ERICH6B: variants seen among roughly 807,000 people sequenced by gnomAD.
ERICH6B encodes the protein glutamate rich 6B.
A neutral mutation model predicts 80.0 loss-of-function variants in ERICH6B; 69 were observed. That is an observed-to-expected ratio of 0.86 (90% CI 0.71 to 1.05). The LOEUF (loss-of-function observed/expected upper bound fraction) is 1.05. ERICH6B is among the 50% of genes least tolerant of loss of function. The pLI is 0.00. For synonymous variants in ERICH6B, 283 were observed against 291.9 expected (o/e 0.97, Z 0.31); for missense variants, 754 against 796.1 (o/e 0.95, Z 0.64).
chr13:45,551,506 C>T (rs1321128006), intron 11 of ERICH6B: 1 of 152,152 alleles, frequency 6.6e-6, no homozygotes, highest in Non-Finnish European at 1.5e-5. Flanking sequence ...CCCAGTATTC[C>T]CAGGCAGTCT....
At chr13:45,615,060 G>A (rs1566310657) in intron 1 of ERICH6B, among the ~76,000 whole-genome samples, 1 of 152,202 alleles carries the variant, frequency 6.6e-6, no homozygotes. Flanking sequence ...ATATATTCAG[G>A]TTTGAACTTT....
intron 1 of ERICH6B, among the ~76,000 whole-genome samples, chr13:45,612,229 T>A (rs559567308): frequency 2.0e-5 from 3 of 152,320 alleles, no homozygotes; most frequent in Non-Finnish European, 4.4e-5. Flanking sequence ...CTTTTTCTCT[T>A]TCTTCTTTCC....
intron 2 of ERICH6B, among the ~76,000 whole-genome samples, chr13:45,597,699 C>T (rs1055542402): frequency 6.6e-6 from 1 of 152,206 alleles, no homozygotes; most frequent in African/African-American, 2.4e-5. Flanking sequence ...GGCTTCCAGG[C>T]TCCCTCTTCT....
intron 2 of ERICH6B, among the ~76,000 whole-genome samples, chr13:45,598,157 C>T (rs1876480050): frequency 6.6e-6 from 1 of 152,158 alleles, no homozygotes; most frequent in Non-Finnish European, 1.5e-5. Context: ...TCTCCTACAG[C>T]ACTTATCATT....
At chr13:45,563,873 C>A in intron 9 of ERICH6B, 85 bp from the exon 10 acceptor site, 6 of 1,134,604 alleles carry the variant, frequency 5.3e-6, no homozygotes, top group Non-Finnish European at 6.4e-6. Context: ...AGTACTGGAG[C>A]CTGCAGAGTC....
At position 45,596,754 on chromosome 13, in the gene ERICH6B, C is replaced by T; in HGVS notation, c.252G>A (p.Glu84=). The change falls in exon 3 of 15, where the codon GAG becomes GAA. Residue 84 remains glutamate (E), a synonymous_variant. Coordinates refer to ENST00000298738, the MANE Select transcript of ERICH6B (RefSeq NM_182542.3). The part of the protein sequence containing the change: ...LGKEEYLKEE[E]YLGKEEHLEE... Reference sequence around the variant, plus strand: ...CCAGATGCTCTTCCTTCCCCAGATACTCTTCCTCCTTCAAGTATTCTTCTT... The same window carrying T: ...CCAGATGCTCTTCCTTCCCCAGATATTCTTCCTCCTTCAAGTATTCTTCTT... 6.4e-7 allele frequency: 1 copy of T among 1,551,716 alleles called. No homozygotes were observed. The highest frequency in any genetic ancestry group is 8.7e-7 in the Non-Finnish European group (1 of 1,146,994).
At position 45,544,640 on chromosome 13, in the gene ERICH6B, C is replaced by T. The variant is rs547200532; in HGVS notation, c.1872+120G>A. 262 of 770,466 alleles carry T rather than the reference C, an allele frequency of 3.4e-4. 2 individuals are homozygous for T. In the East Asian group the frequency reaches 6.0e-3, roughly 18 times the overall value. The allele number at this position is 770,466 out of a possible 1,614,324, so 47.7% of individuals were successfully genotyped here. A position where few individuals can be genotyped will look rare whatever the true frequency, so the allele number is the denominator to read the frequency against. On this transcript the variant is annotated intron_variant, in intron 14 of 14. Coordinates refer to ENST00000298738, the MANE Select transcript of ERICH6B (RefSeq NM_182542.3). ...AAACCAAAGTGGCCTTGTTTTTATA[C>T]GGGTTGGCATATATAGAACAAGCCT...
intron 5 of ERICH6B, among the ~76,000 whole-genome samples, chr13:45,581,306 G>A (rs60079579): frequency 0.12 from 18,013 of 152,112 alleles, 1,731 homozygotes; most frequent in African/African-American, 0.26. Context: ...TCCTACTCCT[G>A]AATGCTAAAT....
intron 13 of ERICH6B, among the ~76,000 whole-genome samples, chr13:45,547,253 G>A (rs1874030524): frequency 1.3e-5 from 2 of 152,240 alleles, no homozygotes; most frequent in Non-Finnish European, 2.9e-5. Flanking sequence ...TCATTGATGG[G>A]AGGAGAGCAA....
chr13:45,583,244 A>C (rs1268079084), intron 5 of ERICH6B, among the ~76,000 whole-genome samples: 1 of 152,156 alleles, frequency 6.6e-6, no homozygotes, highest in Non-Finnish European at 1.5e-5. Flanking sequence ...TCAGCACTAC[A>C]CTAAACAGTA....
At chr13:45,571,101 T>G (rs1407548514) in intron 8 of ERICH6B, among the ~76,000 whole-genome samples, 1 of 152,204 alleles carries the variant, frequency 6.6e-6, no homozygotes, top group African/African-American at 2.4e-5. Context: ...ATCCTGGGAA[T>G]GCAGTGTCTG....
At chr13:45,582,843 C>T (rs951296484) in intron 5 of ERICH6B, among the ~76,000 whole-genome samples, 3 of 152,154 alleles carry the variant, frequency 2.0e-5, no homozygotes, top group African/African-American at 7.2e-5. Flanking sequence ...TCCACAGTTC[C>T]CTAATCTGAT....
intron 7 of ERICH6B, among the ~76,000 whole-genome samples, chr13:45,577,274 A>ACCT (rs1566295865): frequency 9.0e-6 from 1 of 110,792 alleles, no homozygotes; most frequent in African/African-American, 4.0e-5. Flanking sequence ...TTAAAAACAA[A>ACCT]TCTTTTTTTT....
chr13:45,555,521 C>T (rs1874402516), intron 11 of ERICH6B: 1 of 152,196 alleles, frequency 6.6e-6, no homozygotes. Flanking sequence ...TGCTTTTCCT[C>T]TTAGTGCAAG....
chr13:45,583,931 A>T (rs1875785378), intron 5 of ERICH6B, among the ~76,000 whole-genome samples: 2 of 151,872 alleles, frequency 1.3e-5, no homozygotes, highest in Admixed American at 6.6e-5. Flanking sequence ...CTCTCCTTAC[A>T]CCTCTGCGTA....
At chr13:45,556,224 G>A (rs1415853441) in intron 11 of ERICH6B, among the ~76,000 whole-genome samples, 1 of 152,000 alleles carries the variant, frequency 6.6e-6, no homozygotes, top group Non-Finnish European at 1.5e-5. Flanking sequence ...CTCCATGGGA[G>A]AGAAGGCTGT....
At chr13:45,567,607 G>A (rs1297951237) in intron 9 of ERICH6B, among the ~76,000 whole-genome samples, 1 of 152,198 alleles carries the variant, frequency 6.6e-6, no homozygotes, top group Non-Finnish European at 1.5e-5. Context: ...TGCCATGATT[G>A]TGAGGCCTCC....
chr13:45,594,324 CA>C (rs1263305849), intron 3 of ERICH6B, among the ~76,000 whole-genome samples: 3 of 152,130 alleles, frequency 2.0e-5, no homozygotes, highest in African/African-American at 7.2e-5. Context: ...CATTTATTTT[CA>C]AAGTGTTTGC....
intron 3 of ERICH6B, among the ~76,000 whole-genome samples, chr13:45,594,062 C>G (rs951039405): frequency 1.3e-5 from 2 of 152,184 alleles, no homozygotes; most frequent in Non-Finnish European, 2.9e-5. Flanking sequence ...TCTTGTTAGT[C>G]ACTGAGGTTC....
Sources: allele counts gnomAD v4.1 joint callset (sites outside exome capture counted in the v4.1 genomes callset), GRCh38; gene constraint gnomAD v4.1.1; transcripts MANE v1.5; gene names NCBI Gene and HGNC (gene_info 2026-07-23, HGNC 2026-07-21).